Variants in SCART1 observed in about 807,000 individuals in gnomAD.
SCART1 encodes the protein scavenger receptor family member expressed on T cells 1.
A neutral mutation model predicts 36.2 loss-of-function variants in SCART1; 62 were observed. The observed-to-expected ratio is 1.71, with a 90% CI of 1.40 to 2.12. The LOEUF (loss-of-function observed/expected upper bound fraction) is 2.12. Among genes scored for constraint, SCART1 ranks in the 30% most tolerant of loss-of-function variants. SCART1 has a pLI of 0.00. For missense variants in SCART1, 1,041 were observed against 540.5 expected, an observed-to-expected ratio of 1.93 and a Z score of -9.18; for synonymous variants, 487 against 238.7, an observed-to-expected ratio of 2.04 and a Z score of -9.59.
chr10:133,456,678 G>A, intron 2 of SCART1, 124 bp downstream of exon 2: 1 of 591,724 alleles, frequency 1.7e-6, no homozygotes, highest in East Asian at 2.8e-5. Context: ...GGGCGGGGAG[G>A]CTGTGGGTCT....
intron 6 of SCART1, 162 bp from the exon 7 acceptor site, chr10:133,464,444 T>A (rs113085170): frequency 8.6e-6 from 5 of 581,570 alleles, no homozygotes; most frequent in African/African-American, 5.6e-5. Context: ...GTGGGATTGC[T>A]GGATTGTGTA....
At chr10:133,468,737 AGAT>A (rs1382056220) in exon 12 of SCART1, 6 of 152,224 alleles carry the variant, frequency 3.9e-5, no homozygotes, top group Non-Finnish European at 7.3e-5. Context: ...TTAAGATGAT[AGAT>A]GATTGATTTT....
intron 6 of SCART1, among the ~76,000 whole-genome samples, chr10:133,461,070 TTTATTATTA>T (rs138591920): frequency 6.6e-6 from 1 of 151,578 alleles, no homozygotes; most frequent in African/African-American, 2.4e-5. Context: ...GTGGATGAGC[TTTATTATTA>T]TTATTATTAT....
At chr10:133,464,903 C>T (rs1356654315) in exon 7 of SCART1, 7 of 702,794 alleles carry the variant, frequency 1.0e-5, no homozygotes, top group Non-Finnish European at 1.8e-5. Context: ...TTGCGACCTT[C>T]GAGAGCAGGT....
rs1274799547 is a variant in SCART1 at position 133,456,548 on chromosome 10, T to C, written c.379T>C (p.Cys127Arg). Residue 127 changes from cysteine to arginine, a missense_variant, in exon 2 of 12, where the codon TGC becomes CGC. By Grantham distance (180) the Cys-to-Arg change is radical. Coordinates refer to ENST00000640237, the Ensembl canonical transcript of SCART1. ...CCACGCATGGGTGGTGGTCGCGCTG[T>C]GCTCCAGTAAGTAGGGAGGAGTGAA... The C allele has an allele frequency of 1.2e-4, 78 of 660,062 alleles. No homozygotes were observed. The East Asian group carries it at 2.1e-3, about 18-fold the overall frequency. 40.9% of individuals were successfully genotyped at this position (660,062 alleles called of 1,614,324 possible).
Position 133,456,478 on chromosome 10 carries a change from C to T in SCART1, c.309C>T (p.Ser103=), listed in dbSNP as rs78948951. ...TGTCCTGCCGGGGCAACGAGTCCTC[C>T]CTCTGGGAGTGCAGCCTTGGCTCAT... The change falls in exon 2 of 12, where the codon TCC becomes TCT. Residue 103 remains serine, a synonymous_variant. Coordinates refer to ENST00000640237, the Ensembl canonical transcript of SCART1. The T allele has an allele frequency of 6.7e-3, 4,692 of 700,348 alleles. 168 individuals are homozygous for T. The East Asian group carries it at 0.079, about 12-fold the overall frequency. The allele number at this position is 700,348 out of a possible 1,614,324, so 43.4% of individuals were successfully genotyped here.
intron 10 of SCART1, among the ~76,000 whole-genome samples, chr10:133,466,816 C>T (rs1291694104): frequency 4.6e-5 from 7 of 152,226 alleles, no homozygotes; most frequent in Admixed American, 4.6e-4. Flanking sequence ...CAGAAGTCAA[C>T]ACGGTGGATC....
intron 3 of SCART1, 154 bp from the exon 4 acceptor site, chr10:133,458,206 G>T: frequency 1.4e-6 from 1 of 700,604 alleles, no homozygotes; most frequent in South Asian, 1.5e-5. Context: ...GGGTGGAAGG[G>T]CCTGTGGCTG....
At chr10:133,458,909 C>G in intron 4 of SCART1, 112 bp from the exon 5 acceptor site, 1 of 621,622 alleles carries the variant, frequency 1.6e-6, no homozygotes, top group South Asian at 1.9e-5. Context: ...CTGGTGAGAC[C>G]AAGGCTGGGC....
exon 2 of SCART1, chr10:133,456,526 C>T (rs533875209): frequency 3.0e-4 from 207 of 680,130 alleles, no homozygotes; most frequent in Middle Eastern, 2.0e-3. Context: ...CGTGCCCCCA[C>T]GCATGGGTGG....
rs574026743 is a variant in SCART1, at chr10:133,466,058, T to C, written c.2660-177T>C. 3.2e-5 allele frequency: 20 copies of C among 634,482 alleles called. No individual in the cohort carries two copies. The African/African-American group carries it at 3.6e-4, about 11-fold the overall frequency. The allele number at this position is 634,482 out of a possible 1,614,324, so 39.3% of individuals were successfully genotyped here. A position where few individuals can be genotyped will look rare whatever the true frequency, so the allele number is the denominator to read the frequency against. ...GAAAGCAGACACCCCCAGTGGACAC[T>C]AGCCATTTTGGGGTGCTCTGCACAG... On this transcript the variant is annotated intron_variant, in intron 9 of 11. Transcript: ENST00000640237.
chr10:133,453,964 G>C (rs950453586), exon 1 of SCART1: 1 of 702,908 alleles, frequency 1.4e-6, no homozygotes, highest in Admixed American at 2.0e-5. Flanking sequence ...GCTAAGCAGC[G>C]AGAGCTTGCT....
intron 1 of SCART1, among the ~76,000 whole-genome samples, chr10:133,455,632 G>A (rs1850598856): frequency 6.6e-6 from 1 of 152,096 alleles, no homozygotes. Context: ...GGTTAGGGGT[G>A]CCTCCGTGGC....
chr10:133,457,475 G>A (rs1564833719), exon 3 of SCART1: 1 of 702,736 alleles, frequency 1.4e-6, no homozygotes, highest in Non-Finnish European at 2.6e-6. Flanking sequence ...GGAAGTACCT[G>A]GCCTGCAGGG....
intron 6 of SCART1, among the ~76,000 whole-genome samples, chr10:133,461,790 A>G (rs1019153283): frequency 6.6e-6 from 1 of 152,222 alleles, no homozygotes; most frequent in African/African-American, 2.4e-5. Flanking sequence ...GTCATTTTCT[A>G]GAACATTCTG....
At chr10:133,465,418 G>C in exon 9 of SCART1, 1 of 576,340 alleles carries the variant, frequency 1.7e-6, no homozygotes, top group South Asian at 2.1e-5. Flanking sequence ...CGCCCTGGGG[G>C]CCGCCGCCTT....
chr10:133,464,950 G>C lies in SCART1; in HGVS notation c.2275+39G>C, dbSNP rs113576759. 1,658 of 702,848 alleles carry C rather than the reference G, an allele frequency of 2.4e-3. 15 individuals are homozygous for C. The African/African-American group carries it at 0.024, about 10-fold the overall frequency. 43.5% of individuals were successfully genotyped at this position (702,848 alleles called of 1,614,324 possible). The stretch of plus-strand genomic sequence containing the variant: ...GTGCAGGTGGGCATTAGAGGTCTCT[G>C]GGGGTGCCTGGGAAGAGGTTTATCT... On this transcript the variant is annotated intron_variant, in intron 7 of 11. Coordinates refer to ENST00000640237, the Ensembl canonical transcript of SCART1.
rs1287340358 is a variant in SCART1, at chr10:133,458,649, GT to G, written c.973del (p.Cys325AlafsTer35). On this transcript the variant is annotated frameshift_variant, in exon 4 of 12. Coordinates refer to ENST00000640237, the Ensembl canonical transcript of SCART1. LOFTEE classifies it high-confidence loss of function. Reference sequence around the variant, plus strand: ...GGCATGGTCACGACGCGGGGCTCAGGTGCTCAGGTGAAGTCCTGTGTGTGGG... The same window carrying G: ...GGCATGGTCACGACGCGGGGCTCAGGGCTCAGGTGAAGTCCTGTGTGTGGG... The G allele has an allele frequency of 2.9e-6, 2 of 700,302 alleles. No homozygotes were observed. The highest frequency in any genetic ancestry group is 5.2e-6 in the Non-Finnish European group (2 of 384,790). The allele number at this position is 700,302 out of a possible 1,614,324, so 43.4% of individuals were successfully genotyped here.
At chr10:133,463,707 A>G (rs1850730429) in intron 6 of SCART1, among the ~76,000 whole-genome samples, 1 of 151,942 alleles carries the variant, frequency 6.6e-6, no homozygotes, top group Non-Finnish European at 1.5e-5. Context: ...TAAATTGACA[A>G]TCTTTGTACA....
Sources: allele counts gnomAD v4.1 joint callset (sites outside exome capture counted in the v4.1 genomes callset), GRCh38; gene constraint gnomAD v4.1.1; transcripts MANE v1.5; gene names NCBI Gene and HGNC (gene_info 2026-07-23, HGNC 2026-07-21).